The following CPHXL2 variants were observed in gnomAD, a reference collection of about 807,000 sequenced individuals.
CPHXL2 encodes cytoplasmic polyadenylated homeobox like 2, also known as cytoplasmic polyadenylated homeobox-like protein 2.
the CPHXL2 span, among the ~76,000 whole-genome samples, chr16:75,665,957 C>A: frequency 6.6e-6 from 1 of 152,122 alleles, no homozygotes; most frequent in East Asian, 1.9e-4. Flanking sequence ...ATGTAAATGG[C>A]CTAAGTGCTC....
chr16:75,672,823 C>CT, the CPHXL2 span, among the ~76,000 whole-genome samples: 1 of 151,994 alleles, frequency 6.6e-6, no homozygotes, highest in Non-Finnish European at 1.5e-5. Context: ...TGTGGGCAGA[C>CT]TGCTTGATTG....
the CPHXL2 span, among the ~76,000 whole-genome samples, chr16:75,670,059 C>T: frequency 6.6e-6 from 1 of 152,048 alleles, no homozygotes; most frequent in Non-Finnish European, 1.5e-5. Context: ...GGATTACAGG[C>T]ACCTGCCACT....
At chr16:75,671,681 A>T in the CPHXL2 span, among the ~76,000 whole-genome samples, 2 of 152,208 alleles carry the variant, frequency 1.3e-5, no homozygotes, top group Non-Finnish European at 2.9e-5. Context: ...CACAATAAAT[A>T]TTTTTTAAAT....
the CPHXL2 span, among the ~76,000 whole-genome samples, chr16:75,673,758 G>A: frequency 6.7e-6 from 1 of 149,500 alleles, no homozygotes; most frequent in Non-Finnish European, 1.5e-5. Flanking sequence ...GGGGGCGAAT[G>A]GCTTGAGCTC....
At chr16:75,663,379 G>A in the CPHXL2 span, among the ~76,000 whole-genome samples, 1 of 152,084 alleles carries the variant, frequency 6.6e-6, no homozygotes, top group South Asian at 2.1e-4. Flanking sequence ...TTAAATGTCC[G>A]CACCAAAACT....
the CPHXL2 span, among the ~76,000 whole-genome samples, chr16:75,663,634 A>G: frequency 2.0e-5 from 3 of 152,172 alleles, no homozygotes; most frequent in South Asian, 6.2e-4. Context: ...CTGTAATCCC[A>G]GCACTTTGGG....
the CPHXL2 span, among the ~76,000 whole-genome samples, chr16:75,676,034 G>A: frequency 2.3e-4 from 35 of 152,052 alleles, no homozygotes; most frequent in Middle Eastern, 3.4e-3. Flanking sequence ...AGCCGAGATC[G>A]CGCCATTGCA....
At chr16:75,675,994 G>A in the CPHXL2 span, among the ~76,000 whole-genome samples, 4 of 152,066 alleles carry the variant, frequency 2.6e-5, no homozygotes, top group East Asian at 3.9e-4. Context: ...CAGGAGAATC[G>A]CTTGAACCTG....
At chr16:75,672,658 A>T in the CPHXL2 span, among the ~76,000 whole-genome samples, 4 of 152,064 alleles carry the variant, frequency 2.6e-5, no homozygotes, top group Non-Finnish European at 5.9e-5. Context: ...ATAATTTTTG[A>T]ATTTTTAGTA....
At chr16:75,665,559 C>T in the CPHXL2 span, among the ~76,000 whole-genome samples, 1,597 of 152,178 alleles carry the variant, frequency 0.01, 27 homozygotes, top group African/African-American at 0.036. Flanking sequence ...AGGACCTATA[C>T]AACAAAAAAA....
the CPHXL2 span, among the ~76,000 whole-genome samples, chr16:75,664,495 C>T: frequency 4.3e-3 from 655 of 151,970 alleles, 4 homozygotes; most frequent in African/African-American, 0.013. Context: ...CATGGCGGCA[C>T]GTGCCTGTAA....
the CPHXL2 span, among the ~76,000 whole-genome samples, chr16:75,663,697 C>A: frequency 6.6e-6 from 1 of 151,908 alleles, no homozygotes; most frequent in Non-Finnish European, 1.5e-5. Context: ...TACTGGCTAA[C>A]ATGGTGAAAC....
the CPHXL2 span, among the ~76,000 whole-genome samples, chr16:75,673,052 G>A: frequency 4.3e-3 from 549 of 127,872 alleles, 2 homozygotes; most frequent in Non-Finnish European, 6.5e-3. Context: ...TCCAGCTGGG[G>A]ATGACGGAGT....
chr16:75,672,755 G>T, the CPHXL2 span, among the ~76,000 whole-genome samples: 1 of 152,174 alleles, frequency 6.6e-6, no homozygotes, highest in Admixed American at 6.5e-5. Context: ...CACCCAAAGT[G>T]TTGGGATACA....
At chr16:75,675,522 G>A in the CPHXL2 span, among the ~76,000 whole-genome samples, 2 of 152,072 alleles carry the variant, frequency 1.3e-5, no homozygotes, top group Non-Finnish European at 1.5e-5. Context: ...AGAAAGAGGA[G>A]GGAACAAAAA....
At chr16:75,663,482 C>A in the CPHXL2 span, among the ~76,000 whole-genome samples, 1 of 152,230 alleles carries the variant, frequency 6.6e-6, no homozygotes, top group Non-Finnish European at 1.5e-5. Flanking sequence ...CCAAAGTTAA[C>A]TGAAAAACTA....
the CPHXL2 span, among the ~76,000 whole-genome samples, chr16:75,672,078 C>T: frequency 1.3e-5 from 2 of 150,940 alleles, no homozygotes; most frequent in African/African-American, 4.9e-5. Flanking sequence ...TCGAAACCAG[C>T]TTGGCCAACA....
At chr16:75,660,688 C>T in the CPHXL2 span, 745 of 398,564 alleles carry the variant, frequency 1.9e-3, 11 homozygotes, top group East Asian at 0.022. Context: ...GCACCTTGAG[C>T]GTAATCCAAA....
the CPHXL2 span, among the ~76,000 whole-genome samples, chr16:75,664,914 T>G: frequency 6.6e-6 from 1 of 152,206 alleles, no homozygotes; most frequent in Non-Finnish European, 1.5e-5. Flanking sequence ...TCTCACCAGA[T>G]GCAGCCCTTT....
Sources: allele counts gnomAD v4.1 joint callset (sites outside exome capture counted in the v4.1 genomes callset), GRCh38; gene constraint gnomAD v4.1.1; transcripts MANE v1.5; gene names NCBI Gene and HGNC (gene_info 2026-07-23, HGNC 2026-07-21).